The following ZBBX variants were observed in gnomAD, a reference collection of about 807,000 sequenced individuals.
The protein encoded by ZBBX is zinc finger B-box domain containing.
Under a neutral mutation model 108.5 loss-of-function variants are expected in ZBBX, and 101 were observed. The ratio of observed to expected loss-of-function variants is 0.93; its 90% CI spans 0.79 to 1.10. The LOEUF is 1.10. Among genes scored for constraint, ZBBX ranks in the 50% least tolerant of loss-of-function variants. The probability of loss-of-function intolerance (pLI) is 0.00; values close to 1 mark genes in which losing one functional copy is unlikely to be tolerated. For synonymous variants in ZBBX, 356 were observed against 323.4 expected, an observed-to-expected ratio of 1.10 and a Z score of -1.08; for missense variants, 1,009 against 941.4, an observed-to-expected ratio of 1.07 and a Z score of -0.94.
chr3:167,249,152 T>G, intron 20 of ZBBX, among the ~76,000 whole-genome samples: 1 of 152,206 alleles, frequency 6.6e-6, no homozygotes, highest in East Asian at 1.9e-4. Flanking sequence ...GCAAAAAGGT[T>G]TGGCCAAATT....
chr3:167,194,229 A>AATATATATATATATATATATATATATAT, the ZBBX span, among the ~76,000 whole-genome samples: 120 of 139,772 alleles, frequency 8.6e-4, no homozygotes, highest in Middle Eastern at 3.7e-3. Flanking sequence ...ATATGTACTA[A>AATATATATATATATATATATATATATAT]ATATATATAT....
At chr3:167,180,971 G>A in the ZBBX span, among the ~76,000 whole-genome samples, 3 of 152,138 alleles carry the variant, frequency 2.0e-5, no homozygotes, top group African/African-American at 7.2e-5. Context: ...GGGGGAATAT[G>A]TTGGAACTAT....
the ZBBX span, among the ~76,000 whole-genome samples, chr3:167,189,190 G>T: frequency 6.6e-6 from 1 of 152,070 alleles, no homozygotes; most frequent in African/African-American, 2.4e-5. Flanking sequence ...GTACCTGTCC[G>T]CTATATCCTC....
downstream of ZBBX, among the ~76,000 whole-genome samples, chr3:167,238,316 A>G (rs1205926688): frequency 6.6e-6 from 1 of 152,060 alleles, no homozygotes; most frequent in East Asian, 1.9e-4. Flanking sequence ...TTAAGAGGGC[A>G]GTAATAATTG....
At chr3:167,242,744 C>A in intron 20 of ZBBX, 101 bp from the exon 21 acceptor site, 1 of 1,034,576 alleles carries the variant, frequency 9.7e-7, no homozygotes, top group East Asian at 2.9e-5. Context: ...ACAGGCAATA[C>A]AAAGAAGGTC....
At chr3:167,392,297 T>C (rs1239765636) in intron 1 of ZBBX, among the ~76,000 whole-genome samples, 1 of 151,888 alleles carries the variant, frequency 6.6e-6, no homozygotes, top group Non-Finnish European at 1.5e-5. Context: ...ATTTATATAA[T>C]TACTCTTTAA....
chr3:167,350,955 G>T (rs919919754), intron 8 of ZBBX, among the ~76,000 whole-genome samples: 1 of 151,860 alleles, frequency 6.6e-6, no homozygotes. Flanking sequence ...GGATTTACAT[G>T]ACATAATTAG....
At chr3:167,391,621 T>G (rs2108637205) in intron 1 of ZBBX, among the ~76,000 whole-genome samples, 2 of 152,106 alleles carry the variant, frequency 1.3e-5, no homozygotes, top group Middle Eastern at 6.8e-3. Flanking sequence ...GCCTTGGGCT[T>G]TTTTTGGTTG....
chr3:167,263,945 T>C (rs1303965970), intron 20 of ZBBX, among the ~76,000 whole-genome samples: 2 of 152,264 alleles, frequency 1.3e-5, no homozygotes, highest in Non-Finnish European at 1.5e-5. Context: ...TCTTGCTGAA[T>C]TGACCCCTTT....
intron 9 of ZBBX, among the ~76,000 whole-genome samples, chr3:167,339,651 G>A (rs1013058134): frequency 5.3e-5 from 8 of 152,022 alleles, no homozygotes; most frequent in African/African-American, 1.9e-4. Flanking sequence ...ATGAGAAATG[G>A]TTTGTTTGTT....
At chr3:167,376,373 G>A (rs1310831274) in intron 2 of ZBBX, among the ~76,000 whole-genome samples, 1 of 152,064 alleles carries the variant, frequency 6.6e-6, no homozygotes, top group Non-Finnish European at 1.5e-5. Context: ...ATCATATTCA[G>A]GGAATCCAAA....
At chr3:167,394,754 G>A (rs1464635) in intron 1 of ZBBX, among the ~76,000 whole-genome samples, 16,108 of 152,022 alleles carry the variant, frequency 0.11, 1,062 homozygotes, top group Non-Finnish European at 0.15. Flanking sequence ...TGCAGAATCA[G>A]GTTAATCTCT....
chr3:167,186,658 G>T, the ZBBX span, among the ~76,000 whole-genome samples: 2 of 152,104 alleles, frequency 1.3e-5, no homozygotes, highest in Admixed American at 6.5e-5. Flanking sequence ...ATAAATGACA[G>T]ACCTCAGTAA....
Position 167,297,577 on chromosome 3 carries a change from C to T in ZBBX, c.1879+728G>A, listed in dbSNP as rs180882037. Among the ~76,000 whole-genome samples the T allele has an allele frequency of 2.0e-5, 3 of 152,048 alleles. No individual in the cohort carries two copies. In the East Asian group the frequency reaches 5.8e-4, roughly 29 times the overall value. ...AAAAAACTGCATCCAAAGACACTAT[C>T]AACAGAGTAAAAGGGCAATCCACAG... On this transcript the variant is annotated intron_variant, in intron 18 of 21. Coordinates refer to ENST00000675490, the MANE Select transcript of ZBBX (RefSeq NM_001199201.2).
At chr3:167,208,331 G>A in the ZBBX span, among the ~76,000 whole-genome samples, 8 of 152,226 alleles carry the variant, frequency 5.3e-5, no homozygotes, top group Middle Eastern at 3.2e-3. Flanking sequence ...AACCAGCTGA[G>A]GTGGCTAAGG....
chr3:167,202,208 G>C, the ZBBX span, among the ~76,000 whole-genome samples: 1 of 152,086 alleles, frequency 6.6e-6, no homozygotes, highest in East Asian at 1.9e-4. Flanking sequence ...TAAATATCCA[G>C]TGGTCTTCAT....
At chr3:167,267,863 C>T (rs1725835442) in intron 20 of ZBBX, among the ~76,000 whole-genome samples, 1 of 152,068 alleles carries the variant, frequency 6.6e-6, no homozygotes, top group African/African-American at 2.4e-5. Context: ...CCTAGACCAC[C>T]TTCCCCCACT....
At chr3:167,299,293 A>AT (rs1258634794) in intron 17 of ZBBX, among the ~76,000 whole-genome samples, 1 of 152,026 alleles carries the variant, frequency 6.6e-6, no homozygotes, top group Middle Eastern at 3.2e-3. Context: ...TTTTTTATAA[A>AT]TTTATAAATT....
intron 19 of ZBBX, among the ~76,000 whole-genome samples, chr3:167,287,342 G>T (rs1729888212): frequency 6.6e-6 from 1 of 152,050 alleles, no homozygotes; most frequent in Non-Finnish European, 1.5e-5. Context: ...CGGAGTTGTT[G>T]TTGTTCAGAA....
Sources: allele counts gnomAD v4.1 joint callset (sites outside exome capture counted in the v4.1 genomes callset), GRCh38; gene constraint gnomAD v4.1.1; transcripts MANE v1.5; gene names NCBI Gene and HGNC (gene_info 2026-07-23, HGNC 2026-07-21).